CARD8: variants seen among roughly 807,000 people sequenced by gnomAD.
CARD8 encodes caspase recruitment domain family member 8.
Under a neutral mutation model 53.2 loss-of-function variants are expected in CARD8, and 38 were observed. That is an observed-to-expected ratio of 0.71 (90% CI 0.55 to 0.94). The LOEUF (loss-of-function observed/expected upper bound fraction) is 0.94. CARD8 is among the 40% of genes least tolerant of loss of function. The probability of loss-of-function intolerance (pLI) is 0.00; values close to 1 mark genes in which losing one functional copy is unlikely to be tolerated. For missense variants in CARD8, 561 were observed against 655.5 expected, an observed-to-expected ratio of 0.86 and a Z score of 1.57; for synonymous variants, 245 against 244.9, an observed-to-expected ratio of 1.00 and a Z score of 0.00.
chr19:48,217,114 C>G (rs1220482787), intron 12 of CARD8, among the ~76,000 whole-genome samples: 2 of 152,074 alleles, frequency 1.3e-5, no homozygotes, highest in African/African-American at 4.8e-5. Context: ...ACTGATCCGA[C>G]AGGAGGCAGA....
intron 3 of CARD8, among the ~76,000 whole-genome samples, chr19:48,243,169 C>T (rs954797351): frequency 6.6e-6 from 1 of 152,122 alleles, no homozygotes; most frequent in African/African-American, 2.4e-5. Context: ...TGAGCCATGA[C>T]GCCTGGCTAA....
rs757923008 is a variant in CARD8, at chr19:48,210,074, A to C, written c.*1636T>G. The C allele has an allele frequency of 6.7e-6, 1 of 149,164 alleles. No individual in the cohort carries two copies. Among genetic ancestry groups the C allele is most frequent in the Non-Finnish European group, 1.5e-5 (1 of 67,038 alleles). 9.2% of individuals were successfully genotyped at this position (149,164 alleles called of 1,614,324 possible). On this transcript the variant is annotated 3_prime_UTR_variant, in exon 14 of 14. Coordinates refer to ENST00000651546, the MANE Select transcript of CARD8 (RefSeq NM_001184900.3). ...AAACAAGGAAACTCATCCCCAACAT[A>C]ATGAAATGGCTAAAAACTAAAGATA...
intron 6 of CARD8, 157 bp from the exon 7 acceptor site, chr19:48,232,650 T>C: frequency 4.1e-6 from 3 of 727,322 alleles, no homozygotes; most frequent in Non-Finnish European, 7.3e-6. Context: ...TAAACTTAGG[T>C]AAACTTTAGT....
At chr19:48,231,633 C>A in intron 8 of CARD8, 27 bp downstream of exon 8, 1 of 1,560,946 alleles carries the variant, frequency 6.4e-7, no homozygotes, top group South Asian at 1.2e-5. Flanking sequence ...GAGTGGTTTT[C>A]AAATCATCAG....
intron 10 of CARD8, among the ~76,000 whole-genome samples, chr19:48,229,206 G>A (rs1019826042): frequency 2.6e-5 from 4 of 152,086 alleles, no homozygotes; most frequent in Non-Finnish European, 4.4e-5. Context: ...AAAGAAATAG[G>A]TGAAGACGGG....
chr19:48,214,773 T>C (rs1365029369), intron 13 of CARD8, among the ~76,000 whole-genome samples: 74 of 4,124 alleles, frequency 0.018, 11 homozygotes, highest in African/African-American at 0.031. Flanking sequence ...ATAAAGCTTT[T>C]TTTTTTTTTT....
Position 48,211,907 on chromosome 19 carries a change from C to T in CARD8, c.1417G>A (p.Asp473Asn), listed in dbSNP as rs745911441. The T allele has an allele frequency of 1.6e-5, 26 of 1,614,066 alleles. No individual in the cohort carries two copies. Among genetic ancestry groups the T allele is most frequent in the Middle Eastern group, 1.6e-4 (1 of 6,062 alleles). Residue 473 changes from aspartate to asparagine, a missense_variant, in exon 14 of 14, where the codon GAT becomes AAT. Coordinates refer to ENST00000651546, the MANE Select transcript of CARD8 (RefSeq NM_001184900.3). ...ARMGDLKGVL[D>N]DLQDNEVLTE... The stretch of plus-strand genomic sequence containing the variant: ...AGAACCTCATTGTCTTGGAGATCAT[C>T]GAGCACCCCTTTCAGGTCCCCCATC...
At chr19:48,230,744 C>A (rs747188833) in intron 9 of CARD8, 33 bp downstream of exon 9, 1 of 1,612,716 alleles carries the variant, frequency 6.2e-7, no homozygotes, top group Non-Finnish European at 8.5e-7. Flanking sequence ...CGCACCCCAG[C>A]GGCCCCCACA....
At chr19:48,241,796 G>T (rs979588083) in intron 3 of CARD8, among the ~76,000 whole-genome samples, 2 of 152,122 alleles carry the variant, frequency 1.3e-5, no homozygotes, top group Non-Finnish European at 2.9e-5. Context: ...GCTCTGCTAT[G>T]ACATTTTTTA....
intron 10 of CARD8, among the ~76,000 whole-genome samples, chr19:48,226,601 C>T (rs1326526692): frequency 6.6e-6 from 1 of 152,074 alleles, no homozygotes; most frequent in African/African-American, 2.4e-5. Context: ...GGGGGTATTA[C>T]TTATTTTGCA....
rs1450936225 is a variant in CARD8, at chr19:48,218,888, T to C, written c.1286A>G (p.Asp429Gly). 1 of 1,614,060 alleles carries C rather than the reference T, an allele frequency of 6.2e-7. No individual in the cohort carries two copies. Among genetic ancestry groups the C allele is most frequent in the Non-Finnish European group, 8.5e-7 (1 of 1,180,020 alleles). The part of the protein sequence containing the change: ...TEKRHGTLVW[D>G]TEVKPVDLQL... ...TCACCTACCTGGCTTCACCTCAGTA[T>C]CCCACACCAAAGTCCCATGTCTTTT... is the stretch of plus-strand genomic sequence containing the variant. Residue 429 changes from aspartate to glycine, a missense_variant, in exon 12 of 14, where the codon GAT becomes GGT. Asp to Gly is a moderately conservative substitution (Grantham distance 94). Transcript: ENST00000651546.
Position 48,221,719 on chromosome 19 carries a change from A to G in CARD8, c.1161+11T>C. On this transcript the variant is annotated intron_variant, in intron 11 of 13. Transcript: ENST00000651546. ...CTGAAACCTGCTGAGTTGGGTTTGA[A>G]TTCTACTAACCTTGGGCATTACTTT... The G allele has an allele frequency of 6.5e-7, 1 of 1,528,884 alleles. No individual in the cohort carries two copies. The highest frequency in any genetic ancestry group is 8.9e-7 in the Non-Finnish European group (1 of 1,125,562). 94.7% of individuals were successfully genotyped at this position (1,528,884 alleles called of 1,614,324 possible). A position where few individuals can be genotyped will look rare whatever the true frequency, so the allele number is the denominator to read the frequency against.
intron 10 of CARD8, among the ~76,000 whole-genome samples, chr19:48,224,424 T>G (rs534530561): frequency 3.9e-5 from 6 of 152,064 alleles, no homozygotes; most frequent in Non-Finnish European, 8.8e-5. Flanking sequence ...AATCTGTGTA[T>G]GTGTATTAAT....
chr19:48,206,637 C>A, downstream of CARD8: 1 of 392,878 alleles, frequency 2.5e-6, no homozygotes, highest in Non-Finnish European at 5.1e-6. Context: ...TTACCAAATT[C>A]TTTTAGCTTA....
At chr19:48,230,308 G>T in intron 10 of CARD8, 130 bp downstream of exon 10, 1 of 995,148 alleles carries the variant, frequency 1.0e-6, no homozygotes, top group Non-Finnish European at 1.5e-6. Context: ...CCTCAGGAAG[G>T]GTGACTCCTG....
intron 4 of CARD8, among the ~76,000 whole-genome samples, chr19:48,240,605 C>A (rs1041439180): frequency 6.6e-6 from 1 of 151,990 alleles, no homozygotes; most frequent in Non-Finnish European, 1.5e-5. Flanking sequence ...CCCGTCTCTA[C>A]TAAAAATACA....
intron 4 of CARD8, among the ~76,000 whole-genome samples, chr19:48,238,901 T>C (rs55943264): frequency 0.04 from 6,084 of 152,290 alleles, 393 homozygotes; most frequent in African/African-American, 0.13. Context: ...ACTAACTGCA[T>C]TGCTGTTACC....
Position 48,228,865 on chromosome 19 carries a change from G to A in CARD8, c.1035+1573C>T, listed in dbSNP as rs957494418. On this transcript the variant is annotated intron_variant, in intron 10 of 13. Coordinates refer to ENST00000651546, the MANE Select transcript of CARD8 (RefSeq NM_001184900.3). The stretch of plus-strand genomic sequence containing the variant: ...TGTACGAAGAGGGAGGCGGCCGGGC[G>A]CGGTGGCTCATGCCTGTAATCCCAG... Among the ~76,000 whole-genome samples, 75 of 152,278 alleles carry A rather than the reference G, an allele frequency of 4.9e-4. 2 individuals carry two copies. The highest frequency in any genetic ancestry group is 1.6e-3 in the African/African-American group (67 of 41,542).
intron 3 of CARD8, among the ~76,000 whole-genome samples, chr19:48,247,241 T>C (rs1417478929): frequency 1.3e-5 from 2 of 152,162 alleles, no homozygotes; most frequent in Admixed American, 6.5e-5. Flanking sequence ...GGAGAATCGC[T>C]TGAACCAAGA....
Sources: gnomAD v4.1 joint callset for allele counts (sites outside exome capture counted in the v4.1 genomes callset) on GRCh38, gnomAD v4.1.1 for gene constraint, MANE v1.5 for transcripts, NCBI Gene and HGNC (gene_info 2026-07-23, HGNC 2026-07-21) for gene names.